RTF1: variants seen among roughly 807,000 people sequenced by gnomAD.
The protein encoded by RTF1 is RNA polymerase-associated protein RTF1 homolog.
In RTF1, 10 loss-of-function variants were observed where a neutral mutation model predicts 95.7. That is an observed-to-expected ratio of 0.10 (90% confidence interval 0.06 to 0.18). RTF1 has a LOEUF of 0.18. RTF1 is among the 10% of genes least tolerant of loss of function. The pLI, the probability that RTF1 is intolerant of heterozygous loss-of-function variation, is 1.00. For missense variants in RTF1, 458 were observed against 875.6 expected, an observed-to-expected ratio of 0.52 and a Z score of 6.02; for synonymous variants, 305 against 311.8, an observed-to-expected ratio of 0.98 and a Z score of 0.23.
chr15:41,466,392 C>G (rs1233543445), intron 6 of RTF1, 140 bp downstream of exon 6: 2 of 490,630 alleles, frequency 4.1e-6, no homozygotes, highest in Non-Finnish European at 7.2e-6. Flanking sequence ...CATCCACAAA[C>G]CCATCATCCA....
intron 1 of RTF1, among the ~76,000 whole-genome samples, chr15:41,433,843 CT>C (rs11326489): frequency 0.037 from 4,719 of 126,068 alleles, 232 homozygotes; most frequent in African/African-American, 0.13. Context: ...TGCTACCACA[CT>C]TTTTTTTTTT....
chr15:41,479,864 CAA>C (rs72095200), intron 16 of RTF1, among the ~76,000 whole-genome samples: 130 of 85,982 alleles, frequency 1.5e-3, no homozygotes, highest in African/African-American at 3.3e-3. Context: ...ACTCCCACCT[CAA>C]AAAAAAAAAA....
Position 41,457,840 on chromosome 15 carries a change from T to A in RTF1, c.626T>A (p.Phe209Tyr), listed in dbSNP as rs899614751. ...MTEKEREQEL[F>Y]NRIEKREVLK... ...GAGAAAGAGAGAGAGCAAGAACTGT[T>A]CAATCGCATAGAGAAGAGGGAGGTG... Residue 209 changes from phenylalanine (F) to tyrosine (Y), a missense_variant, in exon 4 of 18, where the codon TTC (phenylalanine) becomes TAC (tyrosine). Physicochemically the swap from Phe to Tyr is conservative, Grantham distance 22. Transcript: ENST00000389629. 2 of 1,614,010 alleles carry A rather than the reference T, an allele frequency of 1.2e-6. No homozygotes were observed. Among genetic ancestry groups the A allele is most frequent in the Non-Finnish European group, 1.7e-6 (2 of 1,180,018 alleles).
At chr15:41,478,470 C>A in intron 14 of RTF1, 78 bp from the exon 15 acceptor site, 6 of 927,838 alleles carry the variant, frequency 6.5e-6, no homozygotes, top group Non-Finnish European at 1.0e-5. Flanking sequence ...CGTGCAAAGA[C>A]TTATTTGCCT....
intron 4 of RTF1, among the ~76,000 whole-genome samples, chr15:41,458,202 T>G (rs1400782320): frequency 6.6e-6 from 1 of 152,182 alleles, no homozygotes; most frequent in African/African-American, 2.4e-5. Context: ...TTAGAGACAT[T>G]AGGTAACTAA....
intron 1 of RTF1, among the ~76,000 whole-genome samples, chr15:41,435,706 G>A (rs1478018176): frequency 6.6e-6 from 1 of 152,078 alleles, no homozygotes; most frequent in African/African-American, 2.4e-5. Context: ...AGCCAAGGAG[G>A]GAGGATATAC....
chr15:41,452,993 C>G lies in RTF1; in HGVS notation c.402C>G (p.Ala134=). ...TGAAGAAACAGGCCAACAAAACTGC[C>G]TCCTCAGGCAGTTCAGACAAAGACA... ...GTMKKQANKT[A]SSGSSDKDSS... Residue 134 remains alanine (A), a synonymous_variant, in exon 3 of 18, where the codon GCC becomes GCG. Coordinates refer to ENST00000389629, the MANE Select transcript of RTF1 (RefSeq NM_015138.5). 7 of 1,612,368 alleles carry G rather than the reference C, an allele frequency of 4.3e-6. No individual in the cohort carries two copies. Among genetic ancestry groups the G allele is most frequent in the Non-Finnish European group, 5.9e-6 (7 of 1,179,546 alleles).
In RTF1 at chr15:41,417,160, G is replaced by A. The variant is rs370691198; in HGVS notation, c.45G>A (p.Ala15=). ...LCVGRAAAAA[A]AVAVPLAGGQ... is the part of the protein sequence containing the mutation. ...TGGGTCGAGCAGCGGCGGCGGCGGC[G>A]GCAGTGGCGGTCCCACTGGCAGGCG... The change falls in exon 1 of 18, where the codon GCG becomes GCA. Residue 15 remains alanine (A), a synonymous_variant. Transcript: ENST00000389629. The A allele has an allele frequency of 1.6e-6, 2 of 1,260,790 alleles. No homozygotes were observed. The highest frequency in any genetic ancestry group is 3.7e-5 in the South Asian group (1 of 27,174). The allele number at this position is 1,260,790 out of a possible 1,614,324, so 78.1% of individuals were successfully genotyped here.
intron 2 of RTF1, among the ~76,000 whole-genome samples, chr15:41,439,566 T>C (rs776303022): frequency 6.6e-6 from 1 of 152,304 alleles, no homozygotes; most frequent in Non-Finnish European, 1.5e-5. Flanking sequence ...TGGCAGGCCC[T>C]AAAAGATCCA....
intron 2 of RTF1, among the ~76,000 whole-genome samples, chr15:41,442,801 G>A (rs1200610538): frequency 1.3e-5 from 2 of 152,180 alleles, no homozygotes; most frequent in East Asian, 1.9e-4. Flanking sequence ...TATGAAAATC[G>A]CTTGAGCCCA....
At chr15:41,438,504 C>G (rs1318291031) in intron 2 of RTF1, 73 bp downstream of exon 2, 1 of 931,876 alleles carries the variant, frequency 1.1e-6, no homozygotes, top group Admixed American at 2.6e-5. Flanking sequence ...CTCCTGTTGG[C>G]CTCATTTCCT....
At chr15:41,440,409 C>G (rs1185436449) in intron 2 of RTF1, 2 of 151,740 alleles carry the variant, frequency 1.3e-5, no homozygotes, top group Non-Finnish European at 2.9e-5. Flanking sequence ...AGGCTGGTCT[C>G]AAACTCCTAA....
chr15:41,426,779 ATATG>A (rs1287232842), intron 1 of RTF1, among the ~76,000 whole-genome samples: 12,585 of 77,288 alleles, frequency 0.16, 694 homozygotes, highest in Non-Finnish European at 0.2. Flanking sequence ...CGCTACATAT[ATATG>A]TGTGTGTGTG....
chr15:41,475,233 G>T (rs949213683), intron 9 of RTF1, among the ~76,000 whole-genome samples: 1 of 152,228 alleles, frequency 6.6e-6, no homozygotes, highest in African/African-American at 2.4e-5. Context: ...GTGACCACAG[G>T]CATGTAACCC....
intron 4 of RTF1, among the ~76,000 whole-genome samples, chr15:41,464,112 A>G (rs979080388): frequency 1.1e-4 from 17 of 150,710 alleles, no homozygotes; most frequent in Middle Eastern, 3.5e-3. Context: ...GGTTTCCCAA[A>G]GTGCTGGGAT....
intron 1 of RTF1, among the ~76,000 whole-genome samples, chr15:41,419,010 T>C (rs943689268): frequency 5.3e-5 from 8 of 151,790 alleles, no homozygotes; most frequent in African/African-American, 1.7e-4. Context: ...GCTTTGAAAA[T>C]GGTGGTAGGG....
intron 4 of RTF1, among the ~76,000 whole-genome samples, chr15:41,458,429 C>T (rs1427624434): frequency 6.6e-6 from 1 of 152,172 alleles, no homozygotes; most frequent in Non-Finnish European, 1.5e-5. Context: ...TCCTCTCCTG[C>T]GTCACATTTC....
chr15:41,478,981 C>T, intron 15 of RTF1, 122 bp from the exon 16 acceptor site: 1 of 660,848 alleles, frequency 1.5e-6, no homozygotes, highest in Non-Finnish European at 2.6e-6. Context: ...AGGAAAACCC[C>T]ACTAGCTGCT....
intron 1 of RTF1, among the ~76,000 whole-genome samples, chr15:41,427,579 C>T (rs1194001516): frequency 6.6e-6 from 1 of 152,046 alleles, no homozygotes; most frequent in Non-Finnish European, 1.5e-5. Flanking sequence ...ACCCAGGAGG[C>T]TGAGATAGGA....
Sources: gnomAD v4.1 joint callset for allele counts (sites outside exome capture counted in the v4.1 genomes callset) on GRCh38, gnomAD v4.1.1 for gene constraint, MANE v1.5 for transcripts, NCBI Gene and HGNC (gene_info 2026-07-23, HGNC 2026-07-21) for gene names.